The following MED12L variants were observed in gnomAD, a reference collection of about 807,000 sequenced individuals.
The protein encoded by MED12L is mediator complex subunit 12L.
In MED12L, 60 loss-of-function variants were observed where a neutral mutation model predicts 281.3. The observed-to-expected ratio is 0.21, with a 90% confidence interval of 0.17 to 0.26. MED12L has a LOEUF of 0.26. Ranked by LOEUF, MED12L falls within the 10% of genes least tolerant of loss-of-function variation. The probability of loss-of-function intolerance (pLI) is 1.00; values close to 1 mark genes in which losing one functional copy is unlikely to be tolerated. For synonymous variants in MED12L, 974 were observed against 987.2 expected (o/e 0.99, Z 0.25); for missense variants, 2,146 against 2,680.9 (o/e 0.80, Z 4.41).
At chr3:151,211,347 G>C (rs1727123539) in intron 16 of MED12L, among the ~76,000 whole-genome samples, 1 of 149,760 alleles carries the variant, frequency 6.7e-6, no homozygotes, top group Non-Finnish European at 1.5e-5. Context: ...TGTAAGTTGT[G>C]AAGAATAAAC....
chr3:151,214,296 T>TG (rs1727752498), intron 16 of MED12L: 1 of 1,613,276 alleles, frequency 6.2e-7, no homozygotes, highest in Non-Finnish European at 8.5e-7. Flanking sequence ...CTGGAGGCTG[T>TG]GTGGAGGTTG....
intron 16 of MED12L, among the ~76,000 whole-genome samples, chr3:151,209,165 C>T (rs931965271): frequency 6.6e-6 from 1 of 152,054 alleles, no homozygotes; most frequent in African/African-American, 2.4e-5. Flanking sequence ...TTGAGGTGGG[C>T]CTATTTTTAT....
intron 16 of MED12L, among the ~76,000 whole-genome samples, chr3:151,273,166 A>G (rs1474937276): frequency 6.6e-6 from 1 of 151,452 alleles, no homozygotes; most frequent in African/African-American, 2.4e-5. Context: ...TCAGAGCACC[A>G]CACTATGTTA....
chr3:151,141,187 G>GTTTTTTTGTTTTGTT (rs376743895), intron 5 of MED12L, among the ~76,000 whole-genome samples: 1 of 99,124 alleles, frequency 1.0e-5, no homozygotes, highest in African/African-American at 4.8e-5. Context: ...TGTTTTTTTT[G>GTTTTTTTGTTTTGTT]TTTTTTTTTT....
chr3:151,394,975 A>G (rs1198944757), intron 39 of MED12L, 108 bp downstream of exon 39: 4 of 1,417,534 alleles, frequency 2.8e-6, no homozygotes, highest in Non-Finnish European at 3.8e-6. Flanking sequence ...ATCCCTGTAT[A>G]CTTGTGTGAG....
At chr3:151,383,695 CA>C in intron 33 of MED12L, 83 bp from the exon 34 acceptor site, 1 of 818,696 alleles carries the variant, frequency 1.2e-6, no homozygotes, top group Non-Finnish European at 1.9e-6. Flanking sequence ...AAATAAAAAA[CA>C]ATCAAAATTT....
chr3:151,374,930 C>T (rs1002599426), intron 27 of MED12L, among the ~76,000 whole-genome samples: 1 of 151,878 alleles, frequency 6.6e-6, no homozygotes, highest in Admixed American at 6.6e-5. Flanking sequence ...TAAAAGTTCT[C>T]TTATAAAAAA....
At chr3:151,348,283 T>A (rs1212671315) in intron 16 of MED12L, among the ~76,000 whole-genome samples, 1 of 148,864 alleles carries the variant, frequency 6.7e-6, no homozygotes, top group Non-Finnish European at 1.5e-5. Context: ...TTTTCATAAT[T>A]TTATTAGTGC....
At chr3:151,335,482 G>C (rs112907888) in intron 16 of MED12L, among the ~76,000 whole-genome samples, 381 of 152,300 alleles carry the variant, frequency 2.5e-3, no homozygotes, top group African/African-American at 8.8e-3. Context: ...AAACCACTGA[G>C]AAAAACTGTC....
intron 43 of MED12L, among the ~76,000 whole-genome samples, chr3:151,418,109 C>A (rs1717831308): frequency 6.6e-6 from 1 of 152,162 alleles, no homozygotes; most frequent in African/African-American, 2.4e-5. Context: ...TCCATAAGCC[C>A]TTTACCCAGA....
intron 11 of MED12L, among the ~76,000 whole-genome samples, chr3:151,169,691 C>T (rs1721186935): frequency 6.6e-6 from 1 of 152,138 alleles, no homozygotes; most frequent in African/African-American, 2.4e-5. Context: ...ACTGGAAGAA[C>T]TAATGTGATG....
chr3:151,229,628 A>C (rs1577043329), intron 16 of MED12L, among the ~76,000 whole-genome samples: 2 of 150,944 alleles, frequency 1.3e-5, no homozygotes, highest in East Asian at 4.0e-4. Context: ...ACAGGCGCCC[A>C]CCACCATGCC....
At chr3:151,184,318 G>C (rs1365560523) in intron 11 of MED12L, among the ~76,000 whole-genome samples, 1 of 152,196 alleles carries the variant, frequency 6.6e-6, no homozygotes, top group Non-Finnish European at 1.5e-5. Context: ...AATGTGCTAA[G>C]TTCATGCATG....
intron 2 of MED12L, among the ~76,000 whole-genome samples, chr3:151,097,489 A>T (rs1720869322): frequency 6.6e-6 from 1 of 152,238 alleles, no homozygotes; most frequent in Non-Finnish European, 1.5e-5. Context: ...ACTGACTTCC[A>T]ACCCAGTGCC....
chr3:151,116,153 T>C (rs1316219716), intron 2 of MED12L, among the ~76,000 whole-genome samples, 185 bp from the exon 3 acceptor site: 1 of 151,574 alleles, frequency 6.6e-6, no homozygotes, highest in African/African-American at 2.4e-5. Flanking sequence ...GCTTCATCCC[T>C]CTACACATTT....
chr3:151,234,685 A>T (rs755366011), intron 16 of MED12L, among the ~76,000 whole-genome samples: 1 of 152,250 alleles, frequency 6.6e-6, no homozygotes, highest in Non-Finnish European at 1.5e-5. Flanking sequence ...GGACCCAACC[A>T]TTCGAAGCCT....
intron 3 of MED12L, among the ~76,000 whole-genome samples, chr3:151,119,148 A>G (rs1560065782): frequency 1.3e-5 from 2 of 152,234 alleles, no homozygotes; most frequent in South Asian, 2.1e-4. Flanking sequence ...CTCTATATAC[A>G]GCAGTTAGTC....
intron 16 of MED12L, chr3:151,219,758 CAT>C (rs1728957279): frequency 6.6e-6 from 1 of 152,004 alleles, no homozygotes; most frequent in Non-Finnish European, 1.5e-5. Context: ...AATATTTCAA[CAT>C]GTGCATTTGT....
At chr3:151,152,681 A>G (rs1281091904) in intron 5 of MED12L, among the ~76,000 whole-genome samples, 2 of 152,200 alleles carry the variant, frequency 1.3e-5, no homozygotes, top group Non-Finnish European at 2.9e-5. Flanking sequence ...AGGCATATGT[A>G]TATTATTAAT....
Sources: gnomAD v4.1 joint callset for allele counts (sites outside exome capture counted in the v4.1 genomes callset) on GRCh38, gnomAD v4.1.1 for gene constraint, MANE v1.5 for transcripts, NCBI Gene and HGNC (gene_info 2026-07-23, HGNC 2026-07-21) for gene names.